The following CHN2 variants were observed in gnomAD, a reference collection of about 807,000 sequenced individuals.
CHN2 encodes beta-chimaerin.
CHN2 carries 35 observed loss-of-function variants against 56.3 expected under a neutral mutation model. The observed-to-expected ratio is 0.62, with a 90% CI of 0.47 to 0.82. CHN2 has a LOEUF of 0.82. Ranked by LOEUF, CHN2 falls within the 40% of genes least tolerant of loss-of-function variation. CHN2 has a pLI of 0.00. For missense variants in CHN2, 491 were observed against 580.5 expected, an observed-to-expected ratio of 0.85 and a Z score of 1.58; for synonymous variants, 210 against 212.8, an observed-to-expected ratio of 0.99 and a Z score of 0.12.
chr7:29,246,979 G>T (rs1449201248), intron 1 of CHN2, among the ~76,000 whole-genome samples: 1 of 152,164 alleles, frequency 6.6e-6, no homozygotes, highest in African/African-American at 2.4e-5. Flanking sequence ...GCAGTGTAGA[G>T]TGGCATGTAT....
At chr7:29,251,533 T>C (rs980547035) in intron 1 of CHN2, among the ~76,000 whole-genome samples, 1 of 152,210 alleles carries the variant, frequency 6.6e-6, no homozygotes, top group African/African-American at 2.4e-5. Flanking sequence ...AGTGTTGTTA[T>C]AGGGATGAGA....
intron 3 of CHN2, among the ~76,000 whole-genome samples, chr7:29,376,769 G>A (rs1005480427): frequency 4.6e-5 from 7 of 152,086 alleles, no homozygotes; most frequent in African/African-American, 1.7e-4. Context: ...TTTCCCAGAT[G>A]TACTTCCTCC....
At chr7:29,469,207 G>A (rs1785822741) in intron 6 of CHN2, among the ~76,000 whole-genome samples, 1 of 152,184 alleles carries the variant, frequency 6.6e-6, no homozygotes, top group African/African-American at 2.4e-5. Flanking sequence ...ACAATATCCA[G>A]ATTCTGGCCA....
intron 1 of CHN2, among the ~76,000 whole-genome samples, chr7:29,269,845 T>C (rs1790471016): frequency 6.6e-6 from 1 of 152,224 alleles, no homozygotes; most frequent in African/African-American, 2.4e-5. Context: ...TTCCAGTTAA[T>C]GACCGTGAAA....
In CHN2 at chr7:29,281,588, T is replaced by A. The variant is rs75187381; in HGVS notation, c.50-73037T>A. Among the ~76,000 whole-genome samples, 36 of 152,294 alleles carry A rather than the reference T, an allele frequency of 2.4e-4. 1 individual carries two copies. In the East Asian group the frequency reaches 6.8e-3, roughly 29 times the overall value. On this transcript the variant is annotated intron_variant, in intron 1 of 12. Transcript: ENST00000222792. ...CCAAGTTCCCCTCCTATTGGCAAGG[T>A]CTCCCGTGGCTATGAGGATCACATG...
At chr7:29,447,231 G>A (rs1208407686) in intron 6 of CHN2, among the ~76,000 whole-genome samples, 1 of 152,030 alleles carries the variant, frequency 6.6e-6, no homozygotes, top group African/African-American at 2.4e-5. Flanking sequence ...ATTGCTTATG[G>A]TCAAAAAGTT....
At chr7:29,373,950 A>G (rs1210904064) in intron 3 of CHN2, among the ~76,000 whole-genome samples, 1 of 152,208 alleles carries the variant, frequency 6.6e-6, no homozygotes, top group African/African-American at 2.4e-5. Context: ...ATTTGGGGGA[A>G]CGTGAAAACT....
intron 6 of CHN2, chr7:29,479,988 T>C: frequency 6.8e-7 from 1 of 1,476,540 alleles, no homozygotes. Flanking sequence ...CGGAGGCTGC[T>C]GCAGACAGGA....
At chr7:29,370,977 A>G (rs1471376355) in intron 3 of CHN2, among the ~76,000 whole-genome samples, 2 of 152,188 alleles carry the variant, frequency 1.3e-5, no homozygotes, top group Non-Finnish European at 2.9e-5. Flanking sequence ...CACAGAGCCA[A>G]CCACTTACTC....
At chr7:29,329,117 A>T (rs1050420558) in intron 1 of CHN2, among the ~76,000 whole-genome samples, 10 of 152,132 alleles carry the variant, frequency 6.6e-5, no homozygotes, top group African/African-American at 2.4e-4. Flanking sequence ...ATTCCAAGTA[A>T]GTCAAAATGA....
intron 1 of CHN2, among the ~76,000 whole-genome samples, chr7:29,277,565 G>A (rs1791336718): frequency 6.6e-6 from 1 of 152,236 alleles, no homozygotes; most frequent in Non-Finnish European, 1.5e-5. Context: ...GTCAGCTAGG[G>A]CCCAGAACAG....
intron 1 of CHN2, among the ~76,000 whole-genome samples, chr7:29,284,903 A>T (rs1217565234): frequency 2.0e-5 from 3 of 152,244 alleles, no homozygotes; most frequent in Non-Finnish European, 4.4e-5. Context: ...TTCTCCAGGC[A>T]GCCTCTTCAG....
At chr7:29,367,884 T>TATTCTA in intron 2 of CHN2, 48 bp from the exon 3 acceptor site, 5 of 1,523,210 alleles carry the variant, frequency 3.3e-6, no homozygotes, top group Non-Finnish European at 4.5e-6. Flanking sequence ...TGTGTTGCAG[T>TATTCTA]ATTCTAATTC....
intron 2 of CHN2, 58 bp from the exon 3 acceptor site, chr7:29,367,874 T>C (rs1349305289): frequency 7.8e-6 from 11 of 1,418,266 alleles, no homozygotes; most frequent in Non-Finnish European, 1.1e-5. Flanking sequence ...CACGTTGATA[T>C]GTGTTGCAGT....
intron 7 of CHN2, among the ~76,000 whole-genome samples, chr7:29,480,883 C>T (rs903116693): frequency 1.4e-5 from 2 of 147,164 alleles, no homozygotes; most frequent in South Asian, 2.1e-4. Context: ...GCTCCGGGTA[C>T]GGCTAGCAGG....
At chr7:29,242,802 G>T (rs1322979119) in intron 1 of CHN2, among the ~76,000 whole-genome samples, 4 of 137,524 alleles carry the variant, frequency 2.9e-5, no homozygotes, top group East Asian at 2.1e-4. Flanking sequence ...GAAGAAAAGT[G>T]AAAGATTCAG....
intron 3 of CHN2, among the ~76,000 whole-genome samples, chr7:29,369,979 A>G (rs1799478764): frequency 1.3e-5 from 2 of 152,274 alleles, no homozygotes; most frequent in South Asian, 2.1e-4. Flanking sequence ...CACGAAACCT[A>G]ACGTGAAATG....
At chr7:29,467,454 A>G (rs1410490144) in intron 6 of CHN2, among the ~76,000 whole-genome samples, 1 of 152,180 alleles carries the variant, frequency 6.6e-6, no homozygotes, top group Non-Finnish European at 1.5e-5. Context: ...GGTTCAAGCT[A>G]GTTCAAGGAC....
chr7:29,230,098 C>T (rs989213997), intron 1 of CHN2, among the ~76,000 whole-genome samples: 1 of 152,176 alleles, frequency 6.6e-6, no homozygotes, highest in Non-Finnish European at 1.5e-5. Context: ...GTGATAGTGA[C>T]TGTGTGGCCT....
Sources: allele counts gnomAD v4.1 joint callset (sites outside exome capture counted in the v4.1 genomes callset), GRCh38; gene constraint gnomAD v4.1.1; transcripts MANE v1.5; gene names NCBI Gene and HGNC (gene_info 2026-07-23, HGNC 2026-07-21).